Variants in NREP observed in about 807,000 individuals in gnomAD.
The protein encoded by NREP is neuronal regeneration-related protein.
In NREP, 5 loss-of-function variants were observed where a neutral mutation model predicts 8.6. The ratio of observed to expected loss-of-function variants is 0.58; its 90% confidence interval spans 0.30 to 1.22. The LOEUF (loss-of-function observed/expected upper bound fraction) is 1.22, where lower values mean the gene tolerates loss of function less well. Among genes scored for constraint, NREP ranks in the 50% most tolerant of loss-of-function variants. The pLI is 0.07. For missense variants in NREP, 86 were observed against 82.5 expected (o/e 1.04, Z -0.17); for synonymous variants, 27 against 28.0 (o/e 0.96, Z 0.11).
At chr5:111,891,800 A>C (rs1037177836) in intron 2 of NREP, among the ~76,000 whole-genome samples, 1 of 152,176 alleles carries the variant, frequency 6.6e-6, no homozygotes, top group Non-Finnish European at 1.5e-5. Flanking sequence ...CTCACTCGCT[A>C]TCGTGAGGAC....
At chr5:111,881,708 C>T (rs985777309) in intron 2 of NREP, among the ~76,000 whole-genome samples, 2 of 152,178 alleles carry the variant, frequency 1.3e-5, no homozygotes, top group African/African-American at 4.8e-5. Context: ...TCTGCAGATA[C>T]CCCGGCAAAC....
At chr5:111,780,389 G>T (rs1414864338) in intron 2 of NREP, among the ~76,000 whole-genome samples, 2 of 152,144 alleles carry the variant, frequency 1.3e-5, no homozygotes, top group Non-Finnish European at 2.9e-5. Flanking sequence ...AGGCAGATAA[G>T]AAAATAGAGG....
chr5:111,894,224 A>G (rs1754457078), intron 2 of NREP, among the ~76,000 whole-genome samples: 1 of 152,096 alleles, frequency 6.6e-6, no homozygotes. Flanking sequence ...GTCTCAAATA[A>G]AATAAAAATA....
intron 2 of NREP, among the ~76,000 whole-genome samples, chr5:111,880,797 C>T (rs543675330): frequency 3.5e-4 from 50 of 142,252 alleles, no homozygotes; most frequent in East Asian, 8.3e-4. Context: ...AGTGCAGTGC[C>T]GTGATCATGG....
intron 2 of NREP, among the ~76,000 whole-genome samples, chr5:111,964,989 T>C (rs1025350143): frequency 6.6e-6 from 1 of 151,498 alleles, no homozygotes; most frequent in African/African-American, 2.4e-5. Context: ...AAATCTAACA[T>C]TGTTTATCTC....
chr5:111,948,237 G>A (rs1310977232), intron 2 of NREP, among the ~76,000 whole-genome samples: 1 of 152,068 alleles, frequency 6.6e-6, no homozygotes, highest in African/African-American at 2.4e-5. Context: ...AGGTCAACGT[G>A]TTCCACATTT....
chr5:111,965,690 T>A (rs769834231), intron 2 of NREP, among the ~76,000 whole-genome samples: 1 of 152,178 alleles, frequency 6.6e-6, no homozygotes, highest in Non-Finnish European at 1.5e-5. Context: ...GGACTCTTTT[T>A]AAAACCAAAC....
intron 2 of NREP, among the ~76,000 whole-genome samples, chr5:111,829,843 C>T (rs1752721084): frequency 6.6e-6 from 1 of 152,188 alleles, no homozygotes; most frequent in South Asian, 2.1e-4. Flanking sequence ...ACTTCACCCA[C>T]ATAGCGTGCC....
chr5:111,830,515 T>C (rs1208630137), intron 2 of NREP, among the ~76,000 whole-genome samples: 1 of 152,230 alleles, frequency 6.6e-6, no homozygotes, highest in East Asian at 1.9e-4. Context: ...TCTTCTGATA[T>C]AAAGAATCAA....
intron 2 of NREP, among the ~76,000 whole-genome samples, chr5:111,865,077 T>A (rs905249106): frequency 1.3e-5 from 2 of 152,142 alleles, no homozygotes; most frequent in Non-Finnish European, 2.9e-5. Context: ...TGCCTCGTTC[T>A]GAAGCAATAG....
At chr5:111,863,138 TA>T (rs769439670) in intron 2 of NREP, among the ~76,000 whole-genome samples, 1 of 151,826 alleles carries the variant, frequency 6.6e-6, no homozygotes, top group African/African-American at 2.4e-5. Context: ...AGTGTCCAGG[TA>T]AAAAATGGTG....
intron 2 of NREP, among the ~76,000 whole-genome samples, chr5:111,824,892 T>A (rs1752587501): frequency 6.6e-6 from 1 of 152,124 alleles, no homozygotes; most frequent in African/African-American, 2.4e-5. Flanking sequence ...AAAACAGGAG[T>A]AAGACATAGG....
intron 2 of NREP, among the ~76,000 whole-genome samples, chr5:111,880,053 G>A (rs1754011792): frequency 6.6e-6 from 1 of 152,110 alleles, no homozygotes; most frequent in East Asian, 1.9e-4. Context: ...TCCTTAAGTA[G>A]AGGAATCTGA....
intron 2 of NREP, among the ~76,000 whole-genome samples, chr5:111,911,876 C>T (rs893939571): frequency 6.6e-6 from 1 of 152,084 alleles, no homozygotes; most frequent in African/African-American, 2.4e-5. Context: ...GCCATATACA[C>T]ACAGCATTTC....
chr5:111,792,603 G>C (rs180696170), intron 2 of NREP, among the ~76,000 whole-genome samples: 1 of 152,088 alleles, frequency 6.6e-6, no homozygotes, highest in African/African-American at 2.4e-5. Context: ...TTCTCAAGAC[G>C]CTTTGCTTTT....
At chr5:111,752,662 CA>C (rs764387465) in intron 2 of NREP, among the ~76,000 whole-genome samples, 1 of 152,160 alleles carries the variant, frequency 6.6e-6, no homozygotes, top group Non-Finnish European at 1.5e-5. Context: ...GGAGTCAACT[CA>C]TCTGTTTTAA....
chr5:111,775,615 G>C (rs1017714557), intron 2 of NREP, among the ~76,000 whole-genome samples: 25 of 152,044 alleles, frequency 1.6e-4, no homozygotes, highest in African/African-American at 6.0e-4. Flanking sequence ...AGTATATTTA[G>C]AGCATAATTT....
intron 2 of NREP, among the ~76,000 whole-genome samples, chr5:111,886,414 T>C (rs202141293): frequency 8.5e-5 from 13 of 152,250 alleles, no homozygotes; most frequent in African/African-American, 2.4e-4. Context: ...GTCAGTGTGG[T>C]GATTCCTCAG....
intron 2 of NREP, among the ~76,000 whole-genome samples, chr5:111,883,249 G>C (rs1754137560): frequency 6.6e-6 from 1 of 152,152 alleles, no homozygotes; most frequent in Non-Finnish European, 1.5e-5. Flanking sequence ...ATGGTAAAGG[G>C]ATCAATTCAA....
Sources: allele counts gnomAD v4.1 joint callset (sites outside exome capture counted in the v4.1 genomes callset), GRCh38; gene constraint gnomAD v4.1.1; transcripts MANE v1.5; gene names NCBI Gene and HGNC (gene_info 2026-07-23, HGNC 2026-07-21).